Variants in LRRC8B observed in about 807,000 individuals in gnomAD.
LRRC8B encodes volume-regulated anion channel subunit LRRC8B.
LRRC8B carries 23 observed loss-of-function variants against 58.8 expected under a neutral mutation model. That is an observed-to-expected ratio of 0.39 (90% CI 0.28 to 0.55). The LOEUF (loss-of-function observed/expected upper bound fraction) is 0.55, where lower values mean the gene tolerates loss of function less well. LRRC8B is among the 20% of genes least tolerant of loss of function. The probability of loss-of-function intolerance (pLI) is 0.62; values close to 1 mark genes in which losing one functional copy is unlikely to be tolerated. For missense variants in LRRC8B, 694 were observed against 936.0 expected, an observed-to-expected ratio of 0.74 and a Z score of 3.37; for synonymous variants, 359 against 374.1, an observed-to-expected ratio of 0.96 and a Z score of 0.47.
At chr1:89,575,976 G>A (rs561645535) in intron 3 of LRRC8B, among the ~76,000 whole-genome samples, 2 of 152,184 alleles carry the variant, frequency 1.3e-5, no homozygotes, top group Non-Finnish European at 2.9e-5. Flanking sequence ...GCCTGACAAA[G>A]ACATGTTTTA....
intron 1 of LRRC8B, among the ~76,000 whole-genome samples, chr1:89,565,629 C>T (rs1458522011): frequency 6.6e-6 from 1 of 152,208 alleles, no homozygotes; most frequent in Non-Finnish European, 1.5e-5. Context: ...GTGGTGTTCA[C>T]AGATCTTTCT....
intron 4 of LRRC8B, among the ~76,000 whole-genome samples, chr1:89,579,948 C>T (rs1185008696): frequency 6.6e-6 from 1 of 152,204 alleles, no homozygotes; most frequent in Non-Finnish European, 1.5e-5. Context: ...AATTCCTTTG[C>T]AACTCTCCTG....
At chr1:89,562,733 G>A (rs756424276) in intron 1 of LRRC8B, among the ~76,000 whole-genome samples, 18 of 152,080 alleles carry the variant, frequency 1.2e-4, no homozygotes, top group Non-Finnish European at 2.2e-4. Flanking sequence ...AGCTCCTAAA[G>A]TGCTGGGATT....
At chr1:89,580,204 C>T (rs1049302023) in intron 4 of LRRC8B, among the ~76,000 whole-genome samples, 2 of 152,188 alleles carry the variant, frequency 1.3e-5, no homozygotes, top group African/African-American at 4.8e-5. Context: ...TGAATATCAT[C>T]GATTGCCCGT....
intron 1 of LRRC8B, among the ~76,000 whole-genome samples, chr1:89,545,769 G>A (rs768759921): frequency 6.6e-6 from 1 of 152,172 alleles, no homozygotes; most frequent in Non-Finnish European, 1.5e-5. Context: ...TCCCAAGAAG[G>A]CATATGACTC....
chr1:89,534,842 T>G (rs1034947713), intron 1 of LRRC8B, among the ~76,000 whole-genome samples: 1 of 152,152 alleles, frequency 6.6e-6, no homozygotes, highest in African/African-American at 2.4e-5. Context: ...GACATTTGAT[T>G]AGGTCTTCCT....
intron 1 of LRRC8B, among the ~76,000 whole-genome samples, chr1:89,550,319 A>G (rs1370988202): frequency 2.0e-5 from 3 of 152,092 alleles, no homozygotes; most frequent in Non-Finnish European, 4.4e-5. Flanking sequence ...CTCCTTTTTA[A>G]CGAGTTGTTC....
At chr1:89,527,264 C>T (rs532899715) in intron 1 of LRRC8B, among the ~76,000 whole-genome samples, 1 of 152,264 alleles carries the variant, frequency 6.6e-6, no homozygotes, top group Non-Finnish European at 1.5e-5. Context: ...CTATTCATAG[C>T]CTGTTTAACC....
At chr1:89,530,942 G>A (rs779832969) in intron 1 of LRRC8B, among the ~76,000 whole-genome samples, 2 of 152,128 alleles carry the variant, frequency 1.3e-5, no homozygotes, top group African/African-American at 2.4e-5. Context: ...CAGCCTTGGA[G>A]GATGGCAGGG....
chr1:89,545,100 T>C (rs1400291102), intron 1 of LRRC8B, among the ~76,000 whole-genome samples: 1 of 152,250 alleles, frequency 6.6e-6, no homozygotes, highest in Non-Finnish European at 1.5e-5. Flanking sequence ...GGTATGCTGT[T>C]ACATTCCTCC....
At chr1:89,573,203 G>A (rs533053100) in intron 3 of LRRC8B, among the ~76,000 whole-genome samples, 98 of 152,096 alleles carry the variant, frequency 6.4e-4, no homozygotes, top group African/African-American at 2.1e-3. Context: ...AGGAGGCTGA[G>A]GCAGGAGAAG....
chr1:89,573,691 C>G (rs1295872905), intron 3 of LRRC8B, among the ~76,000 whole-genome samples: 1 of 152,214 alleles, frequency 6.6e-6, no homozygotes, highest in Non-Finnish European at 1.5e-5. Flanking sequence ...TCCTGCTTCT[C>G]TATCCTTTTT....
At chr1:89,529,166 A>G (rs12724070) in intron 1 of LRRC8B, among the ~76,000 whole-genome samples, 35,067 of 152,138 alleles carry the variant, frequency 0.23, 4,524 homozygotes, top group Admixed American at 0.34. Context: ...CTAATATAGT[A>G]TCTGGCGTAA....
chr1:89,563,156 A>AT (rs1055078601), intron 1 of LRRC8B, among the ~76,000 whole-genome samples: 3 of 152,150 alleles, frequency 2.0e-5, no homozygotes, highest in East Asian at 1.9e-4. Flanking sequence ...ATGAGTATAG[A>AT]TTTTTTGTGG....
intron 1 of LRRC8B, among the ~76,000 whole-genome samples, chr1:89,536,956 C>A (rs183186119): frequency 1.2e-3 from 184 of 152,224 alleles, no homozygotes; most frequent in African/African-American, 4.3e-3. Context: ...TTTCAACATG[C>A]CTTGAAATCA....
At chr1:89,537,926 G>A (rs535638160) in intron 1 of LRRC8B, among the ~76,000 whole-genome samples, 2 of 152,320 alleles carry the variant, frequency 1.3e-5, no homozygotes, top group South Asian at 4.1e-4. Context: ...CTAACTTCTG[G>A]AACTGTGAGA....
intron 1 of LRRC8B, among the ~76,000 whole-genome samples, chr1:89,528,233 C>T (rs1649847153): frequency 1.3e-5 from 2 of 152,214 alleles, no homozygotes; most frequent in Non-Finnish European, 2.9e-5. Context: ...ACGCTGCCAG[C>T]TGCACAGCTT....
At position 89,584,788 on chromosome 1, in the gene LRRC8B, A is replaced by G. The variant is rs761976035; in HGVS notation, c.2138A>G (p.Asn713Ser). The G allele has an allele frequency of 1.7e-5, 27 of 1,576,874 alleles. No homozygotes were observed. Among genetic ancestry groups the G allele is most frequent in the Non-Finnish European group, 2.2e-5 (26 of 1,158,084 alleles). The change falls in exon 5 of 6, where the codon AAT becomes AGT. Residue 713 changes from asparagine (N) to serine (S), a missense_variant and splice_region_variant. By Grantham distance (46) the Asn-to-Ser change is conservative. Coordinates refer to ENST00000330947, the MANE Select transcript of LRRC8B (RefSeq NM_001369817.2). ...NLQYFAVTNN[N>S]IEMLPDGLFQ... ...CAGTACTTTGCTGTGACCAACAACA[A>G]TGTAAGTAAATCCATTCTTTCTTTT...
chr1:89,585,724 G>T (rs1021791759), intron 5 of LRRC8B, among the ~76,000 whole-genome samples: 2 of 151,932 alleles, frequency 1.3e-5, no homozygotes, highest in South Asian at 4.2e-4. Context: ...CAGGAGAATC[G>T]CTTGAACCCG....
Sources: allele counts gnomAD v4.1 joint callset (sites outside exome capture counted in the v4.1 genomes callset), GRCh38; gene constraint gnomAD v4.1.1; transcripts MANE v1.5; gene names NCBI Gene and HGNC (gene_info 2026-07-23, HGNC 2026-07-21).